OVGP1: variants seen among roughly 807,000 people sequenced by gnomAD.
The protein encoded by OVGP1 is oviductal glycoprotein 1.
A neutral mutation model predicts 48.2 loss-of-function variants in OVGP1; 26 were observed. That is an observed-to-expected ratio of 0.54 (90% CI 0.40 to 0.75). The LOEUF (loss-of-function observed/expected upper bound fraction) is 0.75, where lower values mean the gene tolerates loss of function less well. Among genes scored for constraint, OVGP1 ranks in the 30% least tolerant of loss-of-function variants. The pLI, the probability that OVGP1 is intolerant of heterozygous loss-of-function variation, is 0.00. For synonymous variants in OVGP1, 294 were observed against 305.7 expected, an observed-to-expected ratio of 0.96 and a Z score of 0.40; for missense variants, 791 against 820.6, an observed-to-expected ratio of 0.96 and a Z score of 0.44.
chr1:111,419,795 C>A, intron 8 of OVGP1, 69 bp from the exon 9 acceptor site: 1 of 924,368 alleles, frequency 1.1e-6, no homozygotes, highest in East Asian at 2.4e-5. Flanking sequence ...ACAGTTGTTC[C>A]TTGCCCAAGG....
In OVGP1 at chr1:111,422,985, C is replaced by T; in HGVS notation, c.550G>A (p.Ala184Thr). The change falls in exon 6 of 11, where the codon GCT becomes ACT. Residue 184 changes from alanine to threonine, a missense_variant. Coordinates refer to ENST00000369732, the MANE Select transcript of OVGP1 (RefSeq NM_002557.4). ...TMRPRLLLSA[A>T]VSGVPHIVQT... ...ACGATGTGTGGGACCCCAGAAACAG[C>T]AGCAGACAGCAGCAGCCTCGGGCGC... 6.2e-7 allele frequency: 1 copy of T among 1,614,180 alleles called. No homozygotes were observed. Among genetic ancestry groups the T allele is most frequent in the Non-Finnish European group, 8.5e-7 (1 of 1,180,022 alleles).
chr1:111,418,910 C>A (rs1221520037), intron 9 of OVGP1, among the ~76,000 whole-genome samples: 1 of 152,168 alleles, frequency 6.6e-6, no homozygotes, highest in Non-Finnish European at 1.5e-5. Context: ...TGTCAGTTCT[C>A]TTTTAGTTCA....
In OVGP1 at chr1:111,426,895, A is replaced by T. The variant is rs1365563803; in HGVS notation, c.55+167T>A. The T allele has an allele frequency of 1.9e-6, 3 of 1,547,014 alleles. No individual in the cohort carries two copies. In the African/African-American group the frequency reaches 4.1e-5, roughly 21 times the overall value. ...CAAGTCTGGACCAAGGCACACAGTC[A>T]GCGACACAAACAGCAGGTGACCAAA... On this transcript the variant is annotated intron_variant, in intron 2 of 10. Transcript: ENST00000369732.
Position 111,421,407 on chromosome 1 carries a change from T to C in OVGP1, c.772A>G (p.Met258Val). 1 of 1,613,838 alleles carries C rather than the reference T, an allele frequency of 6.2e-7. No individual in the cohort carries two copies. Residue 258 changes from methionine (M) to valine (V), a missense_variant, in exon 8 of 11, where the codon ATG (methionine) becomes GTG (valine). By Grantham distance (21) the Met-to-Val change is conservative. Transcript: ENST00000369732. ...KLGAPSEKLI[M>V]GIPTYGRTFR... ...GTACGTCCATAGGTGGGGATCCCCA[T>C]GATGAGCTTCTCTGAGGGTGCCCCA...
rs1571356149 is a variant in OVGP1 at position 111,423,790 on chromosome 1, C to T, written c.318-82G>A. 4.3e-6 allele frequency: 6 copies of T among 1,383,660 alleles called. No individual in the cohort carries two copies. In the East Asian group the frequency reaches 1.2e-4, roughly 27 times the overall value. The allele number at this position is 1,383,660 out of a possible 1,614,324, so 85.7% of individuals were successfully genotyped here. A position where few individuals can be genotyped will look rare whatever the true frequency, so the allele number is the denominator to read the frequency against. On this transcript the variant is annotated intron_variant, in intron 4 of 10. Transcript: ENST00000369732. ...ACAAGGCCCCTTGCAAGCTTGGTTCCCTGTGGTGGGCCTGGCAGATGTGGC... is the reference window on the plus strand; with the variant it reads ...ACAAGGCCCCTTGCAAGCTTGGTTCTCTGTGGTGGGCCTGGCAGATGTGGC...
At position 111,423,008 on chromosome 1, in the gene OVGP1, C is replaced by T. The variant is rs756483871; in HGVS notation, c.527G>A (p.Arg176His). 1.7e-5 allele frequency: 27 copies of T among 1,614,020 alleles called. No homozygotes were observed. The highest frequency in any genetic ancestry group is 6.6e-5 in the South Asian group (6 of 91,078). The change falls in exon 6 of 11, where the codon CGC (arginine) becomes CAC (histidine). Residue 176 changes from arginine (R) to histidine (H), a missense_variant. Arg to His is a conservative substitution (Grantham distance 29, BLOSUM62 0). Transcript: ENST00000369732. ...AFRKEALLTMRPRLLLSAAVS... is the reference protein window; with the variant it reads ...AFRKEALLTMHPRLLLSAAVS... Reference sequence around the variant, plus strand: ...AGCAGCAGACAGCAGCAGCCTCGGGCGCATGGTGAGCAGTGCCTCCTTCCG... The same window carrying T: ...AGCAGCAGACAGCAGCAGCCTCGGGTGCATGGTGAGCAGTGCCTCCTTCCG...
At chr1:111,425,534 G>A (rs1259533981) in intron 3 of OVGP1, 95 bp from the exon 4 acceptor site, 1 of 1,576,250 alleles carries the variant, frequency 6.3e-7, no homozygotes. Context: ...GAAGAAAACA[G>A]GAAACAGGAG....
At chr1:111,427,372 G>A (rs747935927) in intron 1 of OVGP1, 17 of 985,248 alleles carry the variant, frequency 1.7e-5, no homozygotes, top group Admixed American at 6.1e-5. Flanking sequence ...GAAAAAGCTC[G>A]AGGCCAGTGG....
In OVGP1 at chr1:111,414,538, CTGAGT is replaced by C; in HGVS notation, c.1958_1962del (p.Asn653SerfsTer22). ...GAAAGAGGACTTGTTTGAGGGGTTACTGAGTTGACAGAGGAATGGTTTCCATAGAT... is the reference window on the plus strand; with the variant it reads ...GAAAGAGGACTTGTTTGAGGGGTTACTGACAGAGGAATGGTTTCCATAGAT... On this transcript the variant is annotated frameshift_variant, in exon 11 of 11. Coordinates refer to ENST00000369732, the MANE Select transcript of OVGP1 (RefSeq NM_002557.4). LOFTEE classifies it low-confidence loss of function (END_TRUNC). The C allele has an allele frequency of 6.2e-7, 1 of 1,614,106 alleles. No homozygotes were observed. Among genetic ancestry groups the C allele is most frequent in the South Asian group, 1.1e-5 (1 of 91,082 alleles).
intron 1 of OVGP1, 200 bp downstream of exon 1, chr1:111,427,497 C>G (rs1015637766): frequency 6.8e-6 from 4 of 584,006 alleles, no homozygotes; most frequent in Non-Finnish European, 8.6e-6. Flanking sequence ...AATGGGCCAC[C>G]AGGTTTGAGA....
In OVGP1 at chr1:111,426,457, C is replaced by A. The variant is rs1213239464; in HGVS notation, c.240G>T (p.Glu80Asp). Residue 80 changes from glutamate (E) to aspartate (D), a missense_variant, in exon 3 of 11, where the codon GAG becomes GAT. Coordinates refer to ENST00000369732, the MANE Select transcript of OVGP1 (RefSeq NM_002557.4). ...DLQDEKILYP[E>D]FNKLKERNRE... is the part of the protein sequence containing the mutation. Reference sequence around the variant, plus strand: ...CACACCTCTCCTTTAGTTTGTTGAACTCTGGGTAGAGAATTTTCTCATCCT... The same window carrying A: ...CACACCTCTCCTTTAGTTTGTTGAAATCTGGGTAGAGAATTTTCTCATCCT... 1 of 1,614,138 alleles carries A rather than the reference C, an allele frequency of 6.2e-7. No homozygotes were observed. The highest frequency in any genetic ancestry group is 8.5e-7 in the Non-Finnish European group (1 of 1,180,000).
At chr1:111,419,749 A>T (rs1652215906) in intron 8 of OVGP1, 23 bp from the exon 9 acceptor site, 1 of 1,389,190 alleles carries the variant, frequency 7.2e-7, no homozygotes, top group African/African-American at 1.4e-5. Context: ...CCACCAGGTT[A>T]GTTCTGGGAA....
chr1:111,417,571 A>T (rs933912177), intron 9 of OVGP1, among the ~76,000 whole-genome samples: 1 of 152,206 alleles, frequency 6.6e-6, no homozygotes, highest in South Asian at 2.1e-4. Context: ...AGTTTCTGAG[A>T]CTTTTATGCT....
At chr1:111,422,795 C>T in intron 6 of OVGP1, 132 bp downstream of exon 6, 1 of 1,026,624 alleles carries the variant, frequency 9.7e-7, no homozygotes, top group South Asian at 1.4e-5. Flanking sequence ...TCAGTCCAGC[C>T]CCAAACTTGC....
At chr1:111,420,185 G>A (rs1652230976) in intron 8 of OVGP1, among the ~76,000 whole-genome samples, 1 of 152,194 alleles carries the variant, frequency 6.6e-6, no homozygotes, top group African/African-American at 2.4e-5. Context: ...TGAAGGCAGG[G>A]AGAACTAGGT....
At chr1:111,425,258 G>A in intron 4 of OVGP1, 125 bp downstream of exon 4, 1 of 1,046,024 alleles carries the variant, frequency 9.6e-7, no homozygotes, top group Non-Finnish European at 1.4e-6. Flanking sequence ...TAAGATTCAT[G>A]AGTTGGGGAA....
rs535442601 is a variant in OVGP1, at chr1:111,427,046, AAC to A, written c.55+14_55+15del. The A allele has an allele frequency of 5.9e-4, 957 of 1,614,112 alleles. 13 individuals carry two copies. In the South Asian group the frequency reaches 9.2e-3, roughly 16 times the overall value. Reference sequence around the variant, plus strand: ...GACTCTCCCTGGCTCTGGAAGGGAAAACACAGTTTCCTTACCATCGTGGTGTT... The same window carrying A: ...GACTCTCCCTGGCTCTGGAAGGGAAAACAGTTTCCTTACCATCGTGGTGTT... On this transcript the variant is annotated intron_variant, in intron 2 of 10. Coordinates refer to ENST00000369732, the MANE Select transcript of OVGP1 (RefSeq NM_002557.4).
chr1:111,424,321 C>T (rs1032852439), intron 4 of OVGP1, among the ~76,000 whole-genome samples: 5 of 152,124 alleles, frequency 3.3e-5, no homozygotes, highest in Non-Finnish European at 5.9e-5. Context: ...TTTTCTCTTC[C>T]GTAGTGATGA....
intron 4 of OVGP1, 89 bp downstream of exon 4, chr1:111,425,294 C>T (rs1403364901): frequency 2.0e-6 from 3 of 1,494,028 alleles, no homozygotes; most frequent in Admixed American, 3.7e-5. Context: ...TTGCTGTCCG[C>T]ATGGCCAAGC....
Sources: allele counts gnomAD v4.1 joint callset (sites outside exome capture counted in the v4.1 genomes callset), GRCh38; gene constraint gnomAD v4.1.1; transcripts MANE v1.5; gene names NCBI Gene and HGNC (gene_info 2026-07-23, HGNC 2026-07-21).